The following MICAL3 variants were observed in gnomAD, a reference collection of about 807,000 sequenced individuals.
MICAL3 encodes the protein microtubule associated monooxygenase, calponin and LIM domain containing 3.
Under a neutral mutation model 207.4 loss-of-function variants are expected in MICAL3, and 62 were observed. That is an observed-to-expected ratio of 0.30 (90% CI 0.24 to 0.37). The LOEUF (loss-of-function observed/expected upper bound fraction) is 0.37, where lower values mean the gene tolerates loss of function less well. Among genes scored for constraint, MICAL3 ranks in the 10% least tolerant of loss-of-function variants. The pLI is 1.00. For missense variants in MICAL3, 2,368 were observed against 2,635.6 expected (o/e 0.90, Z 2.22); for synonymous variants, 1,077 against 1,069.3 (o/e 1.01, Z -0.14).
chr22:17,795,638 A>G lies in MICAL3; in HGVS notation c.5651-4337T>C, dbSNP rs1053745635. On this transcript the variant is annotated intron_variant, in intron 29 of 31. Transcript: ENST00000441493. The stretch of plus-strand genomic sequence containing the variant: ...AGAAAAAGGGAGCATCAGGTAAAGC[A>G]AGCATTTAAAGAAGCCAAAAAGGCT... Among the ~76,000 whole-genome samples the G allele has an allele frequency of 5.3e-5, 8 of 152,266 alleles. No homozygotes were observed. The South Asian group carries it at 1.7e-3, about 32-fold the overall frequency.
At position 17,793,169 on chromosome 22, in the gene MICAL3, TAGC is replaced by T. The variant is rs1206316814; in HGVS notation, c.5651-1871_5651-1869del. On this transcript the variant is annotated intron_variant, in intron 29 of 31. Coordinates refer to ENST00000441493, the MANE Select transcript of MICAL3 (RefSeq NM_015241.3). The surrounding 1 kb of genome is among the most constrained non-coding windows in gnomAD (Gnocchi z 4.1). ...AGCGCTGTGGACGGCAGGTAAGAGT[TAGC>T]AGGGTTAGTCACGGCCACACCCCCC... is the stretch of plus-strand genomic sequence containing the variant. Among the ~76,000 whole-genome samples the T allele has an allele frequency of 6.6e-6, 1 of 152,148 alleles. No individual in the cohort carries two copies. Among genetic ancestry groups the T allele is most frequent in the African/African-American group, 2.4e-5 (1 of 41,428 alleles).
At chr22:17,800,437 A>T (rs1454121751) in intron 29 of MICAL3, among the ~76,000 whole-genome samples, 1 of 152,172 alleles carries the variant, frequency 6.6e-6, no homozygotes, top group African/African-American at 2.4e-5. Flanking sequence ...CTCTGGTCCA[A>T]GGGTTGTTTT....
chr22:17,831,911 C>T lies in MICAL3; in HGVS notation c.2998G>A (p.Glu1000Lys). The T allele has an allele frequency of 6.4e-7, 1 of 1,559,164 alleles. No individual in the cohort carries two copies. The highest frequency in any genetic ancestry group is 8.7e-7 in the Non-Finnish European group (1 of 1,151,216). Residue 1000 changes from glutamate to lysine, a missense_variant, in exon 21 of 32, where the codon GAA becomes AAA. Physicochemically the swap from Glu to Lys is moderately conservative, Grantham distance 56. Around this residue, in one of 4 missense-constraint regions of MICAL3, gnomAD observed 1,770 missense variants for 1,863.2 expected, o/e 0.95. Transcript: ENST00000441493. ...TCCTCCTCCTCCTCCTCTTCATATTCTTCCTCCTCCTCCTCCTCCTCTTCA... is the reference window on the plus strand; with the variant it reads ...TCCTCCTCCTCCTCCTCTTCATATTTTTCCTCCTCCTCCTCCTCCTCTTCA... ...GNEEEEEEEE[E>K]YEEEEEEDYD...
chr22:17,887,929 T>G (rs1930073227), intron 13 of MICAL3, among the ~76,000 whole-genome samples: 1 of 152,200 alleles, frequency 6.6e-6, no homozygotes, highest in Non-Finnish European at 1.5e-5. Flanking sequence ...AGCTGTGGCT[T>G]TCTGTTGTAA....
At chr22:17,949,471 T>G (rs1831675586) in intron 1 of MICAL3, among the ~76,000 whole-genome samples, 1 of 152,160 alleles carries the variant, frequency 6.6e-6, no homozygotes, top group African/African-American at 2.4e-5. Flanking sequence ...GGAGAACTGC[T>G]TTGCTAAGGG....
intron 1 of MICAL3, among the ~76,000 whole-genome samples, chr22:17,927,255 A>G (rs752757346): frequency 1.3e-5 from 2 of 152,236 alleles, no homozygotes; most frequent in African/African-American, 2.4e-5. Context: ...AACATATACC[A>G]TGACCTCATT....
intron 1 of MICAL3, among the ~76,000 whole-genome samples, chr22:17,952,026 C>T (rs1203489988): frequency 1.3e-5 from 2 of 152,136 alleles, no homozygotes; most frequent in African/African-American, 4.8e-5. Context: ...CCCACAAGAG[C>T]CAAATCACTT....
Position 17,822,978 on chromosome 22 carries a change from G to C in MICAL3, c.3276C>G (p.Asp1092Glu). The stretch of plus-strand genomic sequence containing the variant: ...CCAGCTCAGCACCAGTGTCCCCTGG[G>C]TCCCCATCCTCTGCTGCCTCCCCTT... ...EIEGEAAEDG[D>E]PGDTGAELDD... The change falls in exon 23 of 32, where the codon GAC (aspartate) becomes GAG (glutamate). Residue 1092 changes from aspartate (D) to glutamate (E), a missense_variant. Physicochemically the swap from Asp to Glu is conservative, Grantham distance 45. This residue lies in a region of MICAL3 where 1,770 missense variants were observed against 1,863.2 expected (regional missense o/e 0.95). Coordinates refer to ENST00000441493, the MANE Select transcript of MICAL3 (RefSeq NM_015241.3). 6.2e-7 allele frequency: 1 copy of C among 1,613,490 alleles called. No homozygotes were observed. Among genetic ancestry groups the C allele is most frequent in the Middle Eastern group, 1.6e-4 (1 of 6,062 alleles).
Position 17,902,759 on chromosome 22 carries a change from C to A in MICAL3, c.473-12G>T. 1 of 1,525,274 alleles carries A rather than the reference C, an allele frequency of 6.6e-7. No homozygotes were observed. Among genetic ancestry groups the A allele is most frequent in the African/African-American group, 1.4e-5 (1 of 73,344 alleles). The allele number at this position is 1,525,274 out of a possible 1,614,324, so 94.5% of individuals were successfully genotyped here. A position where few individuals can be genotyped will look rare whatever the true frequency, so the allele number is the denominator to read the frequency against. ...GAGCTGACGGATACCTGGGAGAATA[C>A]AGAGATGACGTTGATGGGAACACAT... On this transcript the variant is annotated splice_polypyrimidine_tract_variant and intron_variant, in intron 3 of 31. Transcript: ENST00000441493. The surrounding 1 kb of genome is among the most constrained non-coding windows in gnomAD (Gnocchi z 4.5).
At chr22:17,810,841 G>A (rs2062040341) in intron 27 of MICAL3, 28 bp from the exon 28 acceptor site, 5 of 1,591,992 alleles carry the variant, frequency 3.1e-6, no homozygotes, top group Non-Finnish European at 4.3e-6. Context: ...AACTTCCTCA[G>A]TCAGGTGCAC....
At chr22:17,802,157 G>C (rs2061947351) in intron 29 of MICAL3, among the ~76,000 whole-genome samples, 1 of 151,850 alleles carries the variant, frequency 6.6e-6, no homozygotes, top group African/African-American at 2.4e-5. Flanking sequence ...CAAACTCCTG[G>C]GCTCATGTGA....
rs576579852 is a variant in MICAL3 at position 17,875,969 on chromosome 22, C to G, written c.2242-3946G>C. ...AGGGCAAAAAGATTCTCCCGCCACC[C>G]TATCACTCCATTGGCCTTAGAAGTA... On this transcript the variant is annotated intron_variant, in intron 16 of 31. Transcript: ENST00000441493. 2.6e-5 allele frequency among the ~76,000 whole-genome samples: 4 copies of G among 152,346 alleles called. No homozygotes were observed. In the South Asian group the frequency reaches 6.2e-4, roughly 24 times the overall value.
chr22:17,946,884 T>C (rs1934095481), intron 1 of MICAL3, among the ~76,000 whole-genome samples: 1 of 152,132 alleles, frequency 6.6e-6, no homozygotes, highest in Admixed American at 6.5e-5. Flanking sequence ...CACCCCTCCC[T>C]CTGCTCTCCA....
At chr22:17,862,996 G>A (rs891033828) in intron 19 of MICAL3, 1 of 985,422 alleles carries the variant, frequency 1.0e-6, no homozygotes, top group South Asian at 4.7e-5. Flanking sequence ...TCAGGGCTCT[G>A]ACTCTTTCTT....
At chr22:17,798,798 T>C (rs569518226) in intron 29 of MICAL3, among the ~76,000 whole-genome samples, 1,905 of 151,056 alleles carry the variant, frequency 0.013, 25 homozygotes, top group Non-Finnish European at 0.018. Context: ...CTCAGCCTCC[T>C]GAGTAGCTGG....
chr22:17,822,450 CGACA>C (rs963259127), intron 23 of MICAL3, among the ~76,000 whole-genome samples: 3 of 152,196 alleles, frequency 2.0e-5, no homozygotes, highest in African/African-American at 4.8e-5. Flanking sequence ...TGATGGGCTG[CGACA>C]GACAAAGACA....
chr22:17,884,553 A>G (rs1190193870), intron 16 of MICAL3, among the ~76,000 whole-genome samples: 1 of 152,252 alleles, frequency 6.6e-6, no homozygotes, highest in Non-Finnish European at 1.5e-5. Context: ...CCAAACCAAA[A>G]GCAAATGCAA....
chr22:17,796,790 C>T lies in MICAL3; in HGVS notation c.5651-5489G>A, dbSNP rs1045225517. ...AGTGAAGGCAGGACCTGAATCCAGG[C>T]CTGGCCTTCCTAAGTCGGGGTACCC... is the stretch of plus-strand genomic sequence containing the variant. On this transcript the variant is annotated intron_variant, in intron 29 of 31. Coordinates refer to ENST00000441493, the MANE Select transcript of MICAL3 (RefSeq NM_015241.3). The surrounding 1 kb of genome is among the most constrained non-coding windows in gnomAD (Gnocchi z 4.4). Among the ~76,000 whole-genome samples the T allele has an allele frequency of 5.3e-5, 8 of 152,136 alleles. No homozygotes were observed. The highest frequency in any genetic ancestry group is 1.0e-4 in the Non-Finnish European group (7 of 68,026).
intron 16 of MICAL3, among the ~76,000 whole-genome samples, chr22:17,874,438 G>C (rs1195043904): frequency 6.6e-6 from 1 of 152,144 alleles, no homozygotes; most frequent in African/African-American, 2.4e-5. Context: ...ATGAGGCCAG[G>C]ACACCAAGCC....
Sources: allele counts gnomAD v4.1 joint callset (sites outside exome capture counted in the v4.1 genomes callset), GRCh38; gene constraint gnomAD v4.1.1; regional missense constraint gnomAD v4.1.1; non-coding constraint Gnocchi (gnomAD v3.1); transcripts MANE v1.5; gene names NCBI Gene and HGNC (gene_info 2026-07-23, HGNC 2026-07-21).